PLA2G1B: variants seen among roughly 807,000 people sequenced by gnomAD.
PLA2G1B encodes phospholipase A2 group IB, also known as phospholipase A2.
Under a neutral mutation model 12.5 loss-of-function variants are expected in PLA2G1B, and 12 were observed. That is an observed-to-expected ratio of 0.96 (90% CI 0.62 to 1.56). The LOEUF (loss-of-function observed/expected upper bound fraction) is 1.56. PLA2G1B is among the 40% of genes most tolerant of loss of function. PLA2G1B has a pLI of 0.00. For missense variants in PLA2G1B, 189 were observed against 186.7 expected (o/e 1.01, Z -0.07); for synonymous variants, 81 against 73.4 (o/e 1.10, Z -0.53).
chr12:120,327,666 G>A, intron 1 of PLA2G1B, 54 bp downstream of exon 1: 9 of 1,555,814 alleles, frequency 5.8e-6, no homozygotes, highest in Non-Finnish European at 8.0e-6. Flanking sequence ...AGAGGAGTGA[G>A]ATCTTAGCTC....
intron 2 of PLA2G1B, 33 bp downstream of exon 2, chr12:120,325,828 G>A: frequency 6.2e-7 from 1 of 1,608,766 alleles, no homozygotes. Flanking sequence ...CCCCCGGCAG[G>A]CACTCCAATT....
chr12:120,325,359 C>T (rs1004323596), intron 2 of PLA2G1B, among the ~76,000 whole-genome samples: 5 of 151,892 alleles, frequency 3.3e-5, no homozygotes, highest in African/African-American at 7.3e-5. Context: ...CCACCATGTC[C>T]GGCTAATTTT....
intron 1 of PLA2G1B, among the ~76,000 whole-genome samples, chr12:120,326,931 A>G (rs1873363440): frequency 6.6e-6 from 1 of 152,010 alleles, no homozygotes; most frequent in African/African-American, 2.4e-5. Context: ...AGATCGCACC[A>G]CTGTACTCCA....
intron 2 of PLA2G1B, among the ~76,000 whole-genome samples, chr12:120,325,650 T>A (rs2136856280): frequency 6.6e-6 from 1 of 152,338 alleles, no homozygotes; most frequent in African/African-American, 2.4e-5. Flanking sequence ...CATCGCCCAC[T>A]GTTTTGCACG....
chr12:120,322,459 C>T, intron 3 of PLA2G1B, 142 bp from the exon 4 acceptor site: 2 of 700,384 alleles, frequency 2.9e-6, no homozygotes, highest in Non-Finnish European at 4.8e-6. Context: ...AATACAAGTA[C>T]ATCAGGATGC....
chr12:120,324,087 A>G (rs1488799335), intron 3 of PLA2G1B, among the ~76,000 whole-genome samples: 1 of 152,036 alleles, frequency 6.6e-6, no homozygotes, highest in Non-Finnish European at 1.5e-5. Flanking sequence ...TGAGGCAGGC[A>G]GATCACTTGA....
At chr12:120,326,066 C>A in intron 1 of PLA2G1B, 46 bp from the exon 2 acceptor site, 1 of 1,599,476 alleles carries the variant, frequency 6.3e-7, no homozygotes, top group South Asian at 1.1e-5. Context: ...GCCAGCACCC[C>A]GGGGACACAC....
intron 1 of PLA2G1B, 163 bp from the exon 2 acceptor site, chr12:120,326,183 GTTTTT>G (rs11328110): frequency 8.8e-6 from 3 of 339,308 alleles, no homozygotes; most frequent in East Asian, 5.3e-5. Context: ...GTGGGTAGAG[GTTTTT>G]TTTTTTTTTT....
At position 120,325,936 on chromosome 12, in the gene PLA2G1B, G is replaced by A. The variant is rs756351287; in HGVS notation, c.119C>T (p.Pro40Leu). 4 of 1,614,026 alleles carry A rather than the reference G, an allele frequency of 2.5e-6. No homozygotes were observed. Among genetic ancestry groups the A allele is most frequent in the Non-Finnish European group, 3.4e-6 (4 of 1,179,998 alleles). ...GCCGTAGTTGTTGTATTCCAAGAAG[G>A]GGTCACTCCCCGGGATCACGCACTT... ...MIKCVIPGSD[P>L]FLEYNNYGCY... The change falls in exon 2 of 4, where the codon CCC becomes CTC. Residue 40 changes from proline to leucine, a missense_variant. Physicochemically the swap from Pro to Leu is moderately conservative, Grantham distance 98. Coordinates refer to ENST00000308366, the MANE Select transcript of PLA2G1B (RefSeq NM_000928.3).
chr12:120,325,142 G>C (rs1392449543), intron 2 of PLA2G1B, 81 bp from the exon 3 acceptor site: 1 of 1,455,784 alleles, frequency 6.9e-7, no homozygotes, highest in Non-Finnish European at 9.6e-7. Flanking sequence ...CTCAGGAACA[G>C]GTGGGGATGA....
chr12:120,327,730 C>T lies in PLA2G1B; in HGVS notation c.24G>A (p.Val8=), dbSNP rs1873378188. 1 of 1,613,860 alleles carries T rather than the reference C, an allele frequency of 6.2e-7. No individual in the cohort carries two copies. The highest frequency in any genetic ancestry group is 1.7e-5 in the Admixed American group (1 of 60,000). The part of the protein sequence containing the change: MKLLVLA[V]LLTVAAADSG... ...GGGAGACTTGCCTACCTGTGAGCAG[C>T]ACAGCTAGCACAAGGAGTTTCATCT... is the stretch of plus-strand genomic sequence containing the variant. The change falls in exon 1 of 4, where the codon GTG becomes GTA. Residue 8 remains valine (V), a synonymous_variant. Coordinates refer to ENST00000308366, the MANE Select transcript of PLA2G1B (RefSeq NM_000928.3).
chr12:120,326,504 C>G (rs1246232517), intron 1 of PLA2G1B, among the ~76,000 whole-genome samples: 2 of 149,114 alleles, frequency 1.3e-5, no homozygotes, highest in Non-Finnish European at 3.0e-5. Context: ...CACTGTTTAT[C>G]CAGTGAATAT....
chr12:120,323,735 A>C (rs1873282545), intron 3 of PLA2G1B, among the ~76,000 whole-genome samples: 1 of 152,144 alleles, frequency 6.6e-6, no homozygotes, highest in African/African-American at 2.4e-5. Flanking sequence ...AAAGTGGAGC[A>C]GGAGGATGTA....
intron 2 of PLA2G1B, 142 bp from the exon 3 acceptor site, chr12:120,325,203 A>C (rs927269317): frequency 1.3e-6 from 1 of 784,090 alleles, no homozygotes; most frequent in Non-Finnish European, 2.0e-6. Context: ...AAAAAATATA[A>C]GTCCTTTTAT....
intron 1 of PLA2G1B, 154 bp from the exon 2 acceptor site, chr12:120,326,174 T>C: frequency 1.9e-6 from 1 of 528,344 alleles, no homozygotes; most frequent in Non-Finnish European, 3.1e-6. Flanking sequence ...AAAGTGAAAG[T>C]GGGTAGAGGT....
intron 3 of PLA2G1B, among the ~76,000 whole-genome samples, chr12:120,323,486 G>A (rs1206722838): frequency 2.6e-5 from 4 of 152,124 alleles, no homozygotes; most frequent in Admixed American, 6.6e-5. Flanking sequence ...GGCTGGTCTC[G>A]AACTTCTCAC....
rs759372850 is a variant in PLA2G1B, at chr12:120,325,904, A to G, written c.151T>C (p.Cys51Arg). Residue 51 changes from cysteine (C) to arginine (R), a missense_variant, in exon 2 of 4, where the codon TGT becomes CGT. Coordinates refer to ENST00000308366, the MANE Select transcript of PLA2G1B (RefSeq NM_000928.3). ...FLEYNNYGCY[C>R]GLGGSGTPVD... ...GGGGTGCCTGAGCCCCCCAAGCCACAGTAGCAGCCGTAGTTGTTGTATTCC... is the reference window on the plus strand; with the variant it reads ...GGGGTGCCTGAGCCCCCCAAGCCACGGTAGCAGCCGTAGTTGTTGTATTCC... The G allele has an allele frequency of 1.9e-6, 3 of 1,614,032 alleles. No homozygotes were observed. Among genetic ancestry groups the G allele is most frequent in the Non-Finnish European group, 2.5e-6 (3 of 1,180,008 alleles).
intron 1 of PLA2G1B, among the ~76,000 whole-genome samples, chr12:120,327,075 C>G (rs1028172783): frequency 6.6e-6 from 1 of 151,802 alleles, no homozygotes; most frequent in Non-Finnish European, 1.5e-5. Flanking sequence ...AGGGAGGTCA[C>G]CCAGCCTGGC....
At chr12:120,324,176 G>T (rs1221923893) in intron 3 of PLA2G1B, among the ~76,000 whole-genome samples, 3 of 152,094 alleles carry the variant, frequency 2.0e-5, no homozygotes, top group African/African-American at 7.2e-5. Context: ...AGCCAAGCAT[G>T]GTGGTGCACG....
Sources: gnomAD v4.1 joint callset for allele counts (sites outside exome capture counted in the v4.1 genomes callset) on GRCh38, gnomAD v4.1.1 for gene constraint, MANE v1.5 for transcripts, NCBI Gene and HGNC (gene_info 2026-07-23, HGNC 2026-07-21) for gene names.